The following MYO18B variants were observed in gnomAD, a reference collection of about 807,000 sequenced individuals.
The protein encoded by MYO18B is unconventional myosin-XVIIIb.
A neutral mutation model predicts 273.0 loss-of-function variants in MYO18B; 204 were observed. The ratio of observed to expected loss-of-function variants is 0.75; its 90% CI spans 0.67 to 0.84. MYO18B has a LOEUF of 0.84. Ranked by LOEUF, MYO18B falls within the 40% of genes least tolerant of loss-of-function variation. The pLI is 0.00. For missense variants in MYO18B, 3,212 were observed against 3,287.6 expected, an observed-to-expected ratio of 0.98 and a Z score of 0.56; for synonymous variants, 1,330 against 1,305.7, an observed-to-expected ratio of 1.02 and a Z score of -0.40.
intron 33 of MYO18B, among the ~76,000 whole-genome samples, chr22:25,918,038 G>A (rs60706280): frequency 0.02 from 3,050 of 152,256 alleles, 102 homozygotes; most frequent in African/African-American, 0.067. Context: ...TCTAAATGAG[G>A]TCTATATTAT....
At chr22:25,778,387 A>G (rs1341204230) in intron 8 of MYO18B, among the ~76,000 whole-genome samples, 1 of 152,212 alleles carries the variant, frequency 6.6e-6, no homozygotes, top group Non-Finnish European at 1.5e-5. Flanking sequence ...AAAGAGTACC[A>G]ATTAATAATA....
chr22:26,009,052 T>A (rs535364611), intron 42 of MYO18B, among the ~76,000 whole-genome samples: 5 of 152,220 alleles, frequency 3.3e-5, no homozygotes, highest in Non-Finnish European at 7.3e-5. Context: ...CATCGGGCAG[T>A]CGCTGTTCTC....
Position 25,769,307 on chromosome 22 carries a change from A to G in MYO18B, c.1391A>G (p.Glu464Gly). Reference protein sequence around the residue: ...DGAGALETELEGPSQPALEKD... With the variant: ...DGAGALETELGGPSQPALEKD... ...GCTGGTGCCCTGGAGACAGAGCTGG[A>G]AGGACCCAGCCAGCCTGCTCTGGAG... Residue 464 changes from glutamate (E) to glycine (G), a missense_variant, in exon 4 of 44, where the codon GAA becomes GGA. Transcript: ENST00000335473. 1 of 1,580,330 alleles carries G rather than the reference A, an allele frequency of 6.3e-7. No homozygotes were observed. Among genetic ancestry groups the G allele is most frequent in the Non-Finnish European group, 8.6e-7 (1 of 1,163,798 alleles).
At chr22:25,788,622 T>A (rs1210881924) in intron 11 of MYO18B, among the ~76,000 whole-genome samples, 1 of 152,232 alleles carries the variant, frequency 6.6e-6, no homozygotes, top group East Asian at 1.9e-4. Context: ...TTATCCATTG[T>A]TTATCTGAAA....
intron 40 of MYO18B, among the ~76,000 whole-genome samples, chr22:25,997,102 C>T (rs759246783): frequency 4.7e-4 from 72 of 151,958 alleles, no homozygotes; most frequent in Non-Finnish European, 9.0e-4. Context: ...GCGGGTGGAT[C>T]ACTTGAGGTC....
chr22:26,002,763 G>T (rs183220568), intron 40 of MYO18B, among the ~76,000 whole-genome samples: 1 of 151,282 alleles, frequency 6.6e-6, no homozygotes, highest in Admixed American at 6.6e-5. Flanking sequence ...AGATGAGATT[G>T]TGTGGGTAGC....
At chr22:25,926,082 G>A (rs1345177168) in intron 34 of MYO18B, among the ~76,000 whole-genome samples, 1 of 151,640 alleles carries the variant, frequency 6.6e-6, no homozygotes, top group African/African-American at 2.4e-5. Context: ...ACAGGAGCCT[G>A]TAGTTCCAGC....
chr22:25,790,918 A>C (rs1211815186), intron 11 of MYO18B, among the ~76,000 whole-genome samples: 1 of 152,140 alleles, frequency 6.6e-6, no homozygotes, highest in African/African-American at 2.4e-5. Context: ...GGGGTCCTCA[A>C]ATCTGGGCTG....
At chr22:25,760,690 T>C (rs1239638263) in intron 1 of MYO18B, among the ~76,000 whole-genome samples, 2 of 152,228 alleles carry the variant, frequency 1.3e-5, no homozygotes, top group Non-Finnish European at 2.9e-5. Context: ...GTGCTAGTTA[T>C]ATTGGTGTGT....
intron 39 of MYO18B, among the ~76,000 whole-genome samples, chr22:25,976,384 A>G (rs551265511): frequency 6.6e-6 from 1 of 152,302 alleles, no homozygotes; most frequent in South Asian, 2.1e-4. Context: ...ATGGCCATGA[A>G]TAAATAAGAG....
intron 12 of MYO18B, among the ~76,000 whole-genome samples, 165 bp from the exon 13 acceptor site, chr22:25,823,340 G>T (rs990469269): frequency 1.3e-5 from 2 of 152,198 alleles, no homozygotes; most frequent in South Asian, 4.1e-4. Context: ...ACTCCTCCAG[G>T]GCCATTGCCT....
chr22:25,788,505 G>A (rs1011528828), intron 11 of MYO18B, among the ~76,000 whole-genome samples: 3 of 152,222 alleles, frequency 2.0e-5, no homozygotes, highest in African/African-American at 2.4e-5. Context: ...CTGCCTGGAG[G>A]AGTGGACCAC....
At chr22:26,040,445 T>G in the MYO18B span, among the ~76,000 whole-genome samples, 1 of 152,148 alleles carries the variant, frequency 6.6e-6, no homozygotes. Context: ...ATTCACGTTC[T>G]CCTGCAATTT....
intron 1 of MYO18B, among the ~76,000 whole-genome samples, chr22:25,752,774 C>T (rs1469308893): frequency 6.6e-6 from 1 of 152,268 alleles, no homozygotes; most frequent in Non-Finnish European, 1.5e-5. Context: ...TGAGGAGCCC[C>T]TCTCTAGGCT....
chr22:25,821,787 GAACAA>G (rs1445306813), intron 12 of MYO18B, among the ~76,000 whole-genome samples: 5 of 151,608 alleles, frequency 3.3e-5, no homozygotes, highest in Non-Finnish European at 7.4e-5. Context: ...AAACAAAACA[GAACAA>G]AACAAAACAA....
chr22:25,799,850 T>C (rs563315692), intron 12 of MYO18B, among the ~76,000 whole-genome samples: 1 of 152,268 alleles, frequency 6.6e-6, no homozygotes, highest in African/African-American at 2.4e-5. Context: ...GGGGCAAATA[T>C]GAAAATACCA....
chr22:25,764,950 C>G (rs996990783), intron 3 of MYO18B, among the ~76,000 whole-genome samples: 1 of 152,100 alleles, frequency 6.6e-6, no homozygotes, highest in Non-Finnish European at 1.5e-5. Context: ...AGGGGGAGAG[C>G]CTGTGTGTTC....
At position 25,890,457 on chromosome 22, in the gene MYO18B, A is replaced by G. The variant is rs539724332; in HGVS notation, c.4315-299A>G. Among the ~76,000 whole-genome samples, 78 of 152,348 alleles carry G rather than the reference A, an allele frequency of 5.1e-4. No homozygotes were observed. In the South Asian group the frequency reaches 0.016, roughly 31 times the overall value. On this transcript the variant is annotated intron_variant, in intron 25 of 43. Coordinates refer to ENST00000335473, the MANE Select transcript of MYO18B (RefSeq NM_032608.7). Reference sequence around the variant, plus strand: ...TGCCAGGCACCGTGCTAAGCTTTCAATGGATTATCTCCTTGAATCCTCAAA... The same window carrying G: ...TGCCAGGCACCGTGCTAAGCTTTCAGTGGATTATCTCCTTGAATCCTCAAA...
At chr22:25,906,051 T>G (rs968140793) in intron 31 of MYO18B, among the ~76,000 whole-genome samples, 2 of 152,220 alleles carry the variant, frequency 1.3e-5, no homozygotes, top group Non-Finnish European at 2.9e-5. Flanking sequence ...CAAAACTTAA[T>G]GCAGCTGCCT....
Sources: allele counts gnomAD v4.1 joint callset (sites outside exome capture counted in the v4.1 genomes callset), GRCh38; gene constraint gnomAD v4.1.1; transcripts MANE v1.5; gene names NCBI Gene and HGNC (gene_info 2026-07-23, HGNC 2026-07-21).